Variants in MERTK observed in about 807,000 individuals in gnomAD.
MERTK encodes tyrosine-protein kinase Mer.
MERTK carries 69 observed loss-of-function variants against 99.3 expected under a neutral mutation model. The observed-to-expected ratio is 0.70, with a 90% confidence interval of 0.57 to 0.85. MERTK has a LOEUF of 0.85. Among genes scored for constraint, MERTK ranks in the 40% least tolerant of loss-of-function variants. The probability of loss-of-function intolerance (pLI) is 0.00; values close to 1 mark genes in which losing one functional copy is unlikely to be tolerated. For synonymous variants in MERTK, 426 were observed against 467.6 expected (o/e 0.91, Z 1.15); for missense variants, 1,125 against 1,249.4 (o/e 0.90, Z 1.50).
chr2:111,921,851 C>G (rs1684465367), intron 1 of MERTK, among the ~76,000 whole-genome samples: 1 of 152,116 alleles, frequency 6.6e-6, no homozygotes, highest in Non-Finnish European at 1.5e-5. Context: ...CTTCGGCCTC[C>G]CAAAGTGCTG....
chr2:111,952,935 C>G (rs936152617), intron 4 of MERTK, among the ~76,000 whole-genome samples: 2 of 152,196 alleles, frequency 1.3e-5, no homozygotes. Context: ...GGCAAATACT[C>G]TCATCTGTCA....
intron 18 of MERTK, chr2:112,026,208 T>G (rs549887511): frequency 6.5e-6 from 1 of 154,390 alleles, no homozygotes; most frequent in Non-Finnish European, 1.5e-5. Flanking sequence ...ACAGTATACA[T>G]GTTCACCATG....
chr2:111,901,497 C>T (rs748548239), intron 1 of MERTK, among the ~76,000 whole-genome samples: 45 of 151,126 alleles, frequency 3.0e-4, no homozygotes, highest in Non-Finnish European at 5.0e-4. Flanking sequence ...AAAATGAATA[C>T]TTTTAGAAAA....
At chr2:111,944,109 G>A (rs1014656890) in intron 2 of MERTK, among the ~76,000 whole-genome samples, 2 of 151,994 alleles carry the variant, frequency 1.3e-5, no homozygotes, top group African/African-American at 2.4e-5. Context: ...GACCAGCCTG[G>A]CCAACATGGC....
intron 2 of MERTK, among the ~76,000 whole-genome samples, chr2:111,932,847 T>C (rs1294272519): frequency 6.6e-6 from 1 of 152,102 alleles, no homozygotes; most frequent in Non-Finnish European, 1.5e-5. Context: ...TCTGGTCAGA[T>C]GGGAGGTTAT....
At chr2:111,991,446 G>A (rs888375362) in intron 8 of MERTK, among the ~76,000 whole-genome samples, 3 of 151,918 alleles carry the variant, frequency 2.0e-5, no homozygotes, top group Admixed American at 6.6e-5. Context: ...GGCTGGCCTC[G>A]AACTCCTGAC....
intron 2 of MERTK, among the ~76,000 whole-genome samples, chr2:111,931,700 A>G (rs1291430697): frequency 6.6e-6 from 1 of 152,086 alleles, no homozygotes; most frequent in Non-Finnish European, 1.5e-5. Flanking sequence ...AAAAAAAAAA[A>G]AAAAGAAGTG....
At chr2:111,991,689 C>T (rs1415029484) in intron 8 of MERTK, among the ~76,000 whole-genome samples, 1 of 152,174 alleles carries the variant, frequency 6.6e-6, no homozygotes, top group African/African-American at 2.4e-5. Context: ...TTTTCCCTTT[C>T]ATCCCTTGTC....
chr2:111,971,125 A>G (rs1419826345), intron 6 of MERTK, among the ~76,000 whole-genome samples: 1 of 152,052 alleles, frequency 6.6e-6, no homozygotes, highest in Non-Finnish European at 1.5e-5. Context: ...ATAGTATTCC[A>G]TTATAACCTT....
chr2:111,906,905 T>C (rs1684147481), intron 1 of MERTK, among the ~76,000 whole-genome samples: 1 of 152,188 alleles, frequency 6.6e-6, no homozygotes, highest in Non-Finnish European at 1.5e-5. Context: ...ACTTGTCAAA[T>C]GGGAAAGCAG....
chr2:112,010,269 G>A (rs1487576060), intron 15 of MERTK: 1 of 538,374 alleles, frequency 1.9e-6, no homozygotes, highest in East Asian at 3.7e-5. Context: ...CCTGCTTTAT[G>A]GTGGGTAAGT....
chr2:111,918,399 A>G (rs994596848), intron 1 of MERTK, among the ~76,000 whole-genome samples: 8 of 152,216 alleles, frequency 5.3e-5, no homozygotes, highest in Non-Finnish European at 5.9e-5. Context: ...TGGGAGTGGC[A>G]TGATGGAAAA....
chr2:111,975,891 C>T (rs1676237200), intron 7 of MERTK, among the ~76,000 whole-genome samples: 1 of 152,022 alleles, frequency 6.6e-6, no homozygotes, highest in Non-Finnish European at 1.5e-5. Flanking sequence ...TCTGACACTA[C>T]ATGGAGATAG....
chr2:111,974,835 C>T (rs1330201642), intron 6 of MERTK, among the ~76,000 whole-genome samples: 2 of 149,518 alleles, frequency 1.3e-5, no homozygotes, highest in Non-Finnish European at 3.0e-5. Context: ...AGAAACCCAT[C>T]CTCTAAAAGC....
At chr2:111,973,947 T>C (rs1676176560) in intron 6 of MERTK, among the ~76,000 whole-genome samples, 1 of 147,266 alleles carries the variant, frequency 6.8e-6, no homozygotes, top group South Asian at 2.1e-4. Flanking sequence ...TGGAGAAAAG[T>C]TTTCTGAAGG....
chr2:112,017,571 A>G (rs1677244178), intron 15 of MERTK, among the ~76,000 whole-genome samples: 1 of 151,954 alleles, frequency 6.6e-6, no homozygotes, highest in Non-Finnish European at 1.5e-5. Flanking sequence ...GAGAGTTTGC[A>G]GTGAGCTCAG....
At chr2:111,927,187 A>G (rs1684583541) in intron 1 of MERTK, among the ~76,000 whole-genome samples, 1 of 152,168 alleles carries the variant, frequency 6.6e-6, no homozygotes, top group Non-Finnish European at 1.5e-5. Flanking sequence ...CTGACTCACT[A>G]AGGAGGCAGT....
chr2:111,946,663 A>C (rs1049319978), intron 3 of MERTK, among the ~76,000 whole-genome samples: 1 of 152,228 alleles, frequency 6.6e-6, no homozygotes, highest in Non-Finnish European at 1.5e-5. Context: ...TCACACACAT[A>C]ATAGAATGTC....
chr2:112,003,759 TG>T, intron 12 of MERTK, 144 bp from the exon 13 acceptor site: 2 of 727,822 alleles, frequency 2.7e-6, no homozygotes, highest in Non-Finnish European at 5.0e-6. Context: ...GTTTGCGATG[TG>T]GGTGGCCTGG....
Sources: allele counts gnomAD v4.1 joint callset (sites outside exome capture counted in the v4.1 genomes callset), GRCh38; gene constraint gnomAD v4.1.1; transcripts MANE v1.5; gene names NCBI Gene and HGNC (gene_info 2026-07-23, HGNC 2026-07-21).